RC3H1: variants seen among roughly 807,000 people sequenced by gnomAD.
RC3H1 encodes the protein roquin-1.
A neutral mutation model predicts 138.2 loss-of-function variants in RC3H1; 50 were observed. The observed-to-expected ratio is 0.36, with a 90% CI of 0.29 to 0.46. The LOEUF (loss-of-function observed/expected upper bound fraction) is 0.46, where lower values mean the gene tolerates loss of function less well. Ranked by LOEUF, RC3H1 falls within the 20% of genes least tolerant of loss-of-function variation. The pLI is 1.00. For synonymous variants in RC3H1, 462 were observed against 489.1 expected, an observed-to-expected ratio of 0.94 and a Z score of 0.73; for missense variants, 1,031 against 1,388.1, an observed-to-expected ratio of 0.74 and a Z score of 4.09.
intron 1 of RC3H1, among the ~76,000 whole-genome samples, chr1:174,001,217 GAGA>G (rs1401711494): frequency 1.3e-5 from 2 of 152,172 alleles, no homozygotes; most frequent in Non-Finnish European, 2.9e-5. Flanking sequence ...CCAGATTGAG[GAGA>G]AGTAGTAAGA....
chr1:173,974,152 C>T (rs925437784), intron 7 of RC3H1, among the ~76,000 whole-genome samples: 3 of 151,892 alleles, frequency 2.0e-5, no homozygotes, highest in East Asian at 1.9e-4. Flanking sequence ...TGGTGGCACA[C>T]GCCTGTAGTC....
At chr1:173,979,543 C>A (rs1400968349) in intron 6 of RC3H1, among the ~76,000 whole-genome samples, 1 of 152,150 alleles carries the variant, frequency 6.6e-6, no homozygotes, top group Non-Finnish European at 1.5e-5. Flanking sequence ...GTAATCCCAG[C>A]TACTTGGGAG....
intron 9 of RC3H1, among the ~76,000 whole-genome samples, chr1:173,968,104 TC>T (rs1660200296): frequency 6.6e-6 from 1 of 152,214 alleles, no homozygotes; most frequent in Non-Finnish European, 1.5e-5. Flanking sequence ...CTCAAACTCC[TC>T]CTAGATTCTC....
At chr1:173,985,450 C>G (rs1235808351) in intron 2 of RC3H1, among the ~76,000 whole-genome samples, 1 of 152,040 alleles carries the variant, frequency 6.6e-6, no homozygotes, top group Non-Finnish European at 1.5e-5. Flanking sequence ...AAAGATAATT[C>G]TTCTACTCAT....
chr1:173,982,287 G>A (rs936936294), intron 5 of RC3H1, among the ~76,000 whole-genome samples: 5 of 152,048 alleles, frequency 3.3e-5, no homozygotes, highest in Admixed American at 2.0e-4. Flanking sequence ...GCTGAGACAG[G>A]AGAATCGCTT....
chr1:173,965,481 C>G (rs1194194258), intron 9 of RC3H1, among the ~76,000 whole-genome samples: 2 of 152,052 alleles, frequency 1.3e-5, no homozygotes. Flanking sequence ...GTCCCAACTA[C>G]TAGGGAGACT....
At chr1:173,964,763 C>A (rs80142373) in intron 10 of RC3H1, 76 bp downstream of exon 10, 33 of 1,279,436 alleles carry the variant, frequency 2.6e-5, no homozygotes, top group South Asian at 6.2e-5. Flanking sequence ...TTTTAAATCC[C>A]AAACATTAAT....
chr1:173,965,217 T>G, intron 9 of RC3H1, 97 bp from the exon 10 acceptor site: 1 of 1,095,980 alleles, frequency 9.1e-7, no homozygotes, highest in Non-Finnish European at 1.3e-6. Flanking sequence ...ATATTCTCTC[T>G]TGAAACATTA....
intron 1 of RC3H1, among the ~76,000 whole-genome samples, chr1:174,017,783 C>CCAA (rs1165317766): frequency 1.4e-5 from 1 of 72,038 alleles, no homozygotes; most frequent in African/African-American, 5.7e-5. Context: ...TTTTCTTGCT[C>CCAA]AAAAAAAAAA....
At chr1:173,965,182 A>C in intron 9 of RC3H1, 62 bp from the exon 10 acceptor site, 4 of 1,351,476 alleles carry the variant, frequency 3.0e-6, no homozygotes, top group Non-Finnish European at 4.1e-6. Flanking sequence ...AAGAACTAAA[A>C]TGTACTTAAT....
rs1658555163 is a variant in RC3H1 at position 173,935,743 on chromosome 1, G to A, written c.*2978C>T. On this transcript the variant is annotated 3_prime_UTR_variant, in exon 20 of 20. Transcript: ENST00000367696. ...AAGCAAAAAACAAAAAACAAATTTT[G>A]GGGGTGTTAGTGAATTCCTAAAACC... is the stretch of plus-strand genomic sequence containing the variant. The A allele has an allele frequency of 6.6e-6, 1 of 152,104 alleles. No homozygotes were observed. Among genetic ancestry groups the A allele is most frequent in the South Asian group, 2.1e-4 (1 of 4,830 alleles). 9.4% of individuals were successfully genotyped at this position (152,104 alleles called of 1,614,324 possible).
intron 8 of RC3H1, among the ~76,000 whole-genome samples, chr1:173,971,998 C>T (rs55833254): frequency 0.014 from 2,069 of 152,034 alleles, 58 homozygotes; most frequent in African/African-American, 0.048. Flanking sequence ...ATTCTACCAT[C>T]GTATTTTCAT....
intron 14 of RC3H1, among the ~76,000 whole-genome samples, chr1:173,951,641 A>G (rs979044723): frequency 6.6e-6 from 1 of 152,134 alleles, no homozygotes; most frequent in Non-Finnish European, 1.5e-5. Flanking sequence ...TCCCGGGTTC[A>G]TGCCATTCTC....
intron 5 of RC3H1, 53 bp from the exon 6 acceptor site, chr1:173,981,062 T>C: frequency 6.9e-7 from 1 of 1,451,408 alleles, no homozygotes. Context: ...AGTTTATGCT[T>C]TATATGAACA....
chr1:173,952,997 T>G (rs1480380085), intron 13 of RC3H1, among the ~76,000 whole-genome samples: 4 of 152,072 alleles, frequency 2.6e-5, no homozygotes, highest in Non-Finnish European at 5.9e-5. Context: ...GTATCAGTGT[T>G]CATTTGTATT....
chr1:174,012,523 C>T (rs1201058887), intron 1 of RC3H1, among the ~76,000 whole-genome samples: 2 of 151,996 alleles, frequency 1.3e-5, no homozygotes, highest in Admixed American at 6.6e-5. Context: ...GTGGCTCACA[C>T]CTGTAATCCC....
chr1:173,959,979 G>A (rs1413687474), intron 13 of RC3H1, among the ~76,000 whole-genome samples: 2 of 150,942 alleles, frequency 1.3e-5, no homozygotes, highest in African/African-American at 2.4e-5. Flanking sequence ...GTGGTGGTGC[G>A]TGCCTGTAAT....
intron 1 of RC3H1, among the ~76,000 whole-genome samples, chr1:174,014,031 A>G (rs1661815172): frequency 6.6e-6 from 1 of 152,206 alleles, no homozygotes; most frequent in Non-Finnish European, 1.5e-5. Context: ...TGACTGTAAA[A>G]AGATCAGTGG....
At chr1:173,996,556 C>G (rs1306524902) in intron 1 of RC3H1, among the ~76,000 whole-genome samples, 2 of 152,100 alleles carry the variant, frequency 1.3e-5, no homozygotes, top group East Asian at 3.9e-4. Context: ...ACAGCTGGAA[C>G]CAGTTCCTCA....
Sources: gnomAD v4.1 joint callset for allele counts (sites outside exome capture counted in the v4.1 genomes callset) on GRCh38, gnomAD v4.1.1 for gene constraint, MANE v1.5 for transcripts, NCBI Gene and HGNC (gene_info 2026-07-23, HGNC 2026-07-21) for gene names.